RASEF: variants seen among roughly 807,000 people sequenced by gnomAD.
RASEF encodes the protein RAS and EF-hand domain containing.
RASEF carries 68 observed loss-of-function variants against 90.1 expected under a neutral mutation model. That is an observed-to-expected ratio of 0.75 (90% CI 0.62 to 0.92). The LOEUF (loss-of-function observed/expected upper bound fraction) is 0.92. RASEF is among the 40% of genes least tolerant of loss of function. The pLI is 0.00. For missense variants in RASEF, 949 were observed against 937.2 expected (o/e 1.01, Z -0.16); for synonymous variants, 331 against 345.2 (o/e 0.96, Z 0.46).
At chr9:83,001,436 G>A (rs183882438) in intron 9 of RASEF, among the ~76,000 whole-genome samples, 2 of 152,136 alleles carry the variant, frequency 1.3e-5, no homozygotes, top group East Asian at 3.9e-4. Context: ...AAACACAATC[G>A]CAAGTTGTAT....
At chr9:83,202,511 C>T in the RASEF span, among the ~76,000 whole-genome samples, 2 of 151,938 alleles carry the variant, frequency 1.3e-5, no homozygotes, top group African/African-American at 4.8e-5. Context: ...AGTCTCACTC[C>T]GTTGCCCAGG....
chr9:83,046,753 G>A (rs1587521010), intron 1 of RASEF, among the ~76,000 whole-genome samples: 2 of 152,210 alleles, frequency 1.3e-5, no homozygotes, highest in East Asian at 1.9e-4. Context: ...TGTCATCCCA[G>A]GGGATGAAAT....
At chr9:83,087,459 T>G in the RASEF span, among the ~76,000 whole-genome samples, 3 of 111,686 alleles carry the variant, frequency 2.7e-5, no homozygotes, top group Admixed American at 9.1e-5. Flanking sequence ...CCTACTGCCA[T>G]GTGAGAACAC....
the RASEF span, among the ~76,000 whole-genome samples, chr9:83,070,616 G>A: frequency 1.3e-5 from 2 of 151,930 alleles, no homozygotes; most frequent in Admixed American, 6.6e-5. Context: ...GATATTCCTG[G>A]TCCTAGGTAT....
chr9:83,013,772 A>C (rs2118518500), intron 4 of RASEF, among the ~76,000 whole-genome samples: 1 of 152,348 alleles, frequency 6.6e-6, no homozygotes, highest in African/African-American at 2.4e-5. Flanking sequence ...CCTCAGAGAA[A>C]GTTTAAGAAT....
chr9:83,100,794 C>A, the RASEF span, among the ~76,000 whole-genome samples: 3 of 152,144 alleles, frequency 2.0e-5, no homozygotes, highest in African/African-American at 7.2e-5. Context: ...AATATTATAA[C>A]AAGTGCCCTG....
At chr9:83,180,133 C>T in the RASEF span, among the ~76,000 whole-genome samples, 1 of 152,072 alleles carries the variant, frequency 6.6e-6, no homozygotes. Context: ...ATACCATATG[C>T]AGTTGTATTA....
the RASEF span, among the ~76,000 whole-genome samples, chr9:83,123,791 T>C: frequency 6.6e-6 from 1 of 152,236 alleles, no homozygotes; most frequent in Non-Finnish European, 1.5e-5. Flanking sequence ...TCCTTTTTTG[T>C]TTATTGCAGT....
intron 1 of RASEF, among the ~76,000 whole-genome samples, chr9:83,046,211 T>G (rs1829927087): frequency 6.6e-6 from 1 of 152,142 alleles, no homozygotes; most frequent in Non-Finnish European, 1.5e-5. Context: ...TAGTACCCAA[T>G]AGTTATCATT....
At chr9:83,164,876 A>G in the RASEF span, among the ~76,000 whole-genome samples, 4 of 152,044 alleles carry the variant, frequency 2.6e-5, no homozygotes, top group Admixed American at 6.6e-5. Context: ...GACAGAGTAG[A>G]TGACAGAGCA....
chr9:83,155,272 G>C, the RASEF span, among the ~76,000 whole-genome samples: 1 of 152,076 alleles, frequency 6.6e-6, no homozygotes, highest in Non-Finnish European at 1.5e-5. Flanking sequence ...CTGTGTTTGG[G>C]TGTATTAGTC....
the RASEF span, among the ~76,000 whole-genome samples, chr9:83,114,159 C>T: frequency 3.9e-5 from 6 of 152,136 alleles, no homozygotes; most frequent in South Asian, 2.1e-4. Context: ...GTGAAGATTT[C>T]GTGGACATTT....
chr9:83,176,080 T>A, the RASEF span, among the ~76,000 whole-genome samples: 12 of 152,358 alleles, frequency 7.9e-5, no homozygotes, highest in East Asian at 2.3e-3. Flanking sequence ...GCCTAGTCAT[T>A]CTACCCATTT....
chr9:82,990,650 C>A (rs866396196), intron 15 of RASEF, among the ~76,000 whole-genome samples, 183 bp from the exon 16 acceptor site: 1 of 152,094 alleles, frequency 6.6e-6, no homozygotes, highest in Non-Finnish European at 1.5e-5. Flanking sequence ...ATAGTTACTC[C>A]AGGAAAAGTT....
At chr9:83,110,828 T>C in the RASEF span, among the ~76,000 whole-genome samples, 6 of 152,226 alleles carry the variant, frequency 3.9e-5, no homozygotes, top group South Asian at 1.0e-3. Context: ...TCTGGGTTAG[T>C]TGTGTTCCAG....
chr9:83,198,387 C>T, the RASEF span, among the ~76,000 whole-genome samples: 21 of 149,184 alleles, frequency 1.4e-4, no homozygotes, highest in Middle Eastern at 3.4e-3. Flanking sequence ...TCCCCTTTAA[C>T]ATGCATAAGG....
At chr9:83,086,110 A>G in the RASEF span, among the ~76,000 whole-genome samples, 1 of 152,214 alleles carries the variant, frequency 6.6e-6, no homozygotes, top group Non-Finnish European at 1.5e-5. Context: ...TTAAGCAATC[A>G]ATTAAGAATT....
the RASEF span, among the ~76,000 whole-genome samples, chr9:83,069,208 C>T: frequency 2.6e-5 from 4 of 151,914 alleles, no homozygotes; most frequent in Admixed American, 1.3e-4. Context: ...TAAAATGCAC[C>T]AATTTTAAAG....
chr9:83,071,567 A>G, the RASEF span, among the ~76,000 whole-genome samples: 1 of 151,856 alleles, frequency 6.6e-6, no homozygotes, highest in African/African-American at 2.4e-5. Context: ...CACCACACCT[A>G]GCTAATTTTT....
Sources: allele counts gnomAD v4.1 joint callset (sites outside exome capture counted in the v4.1 genomes callset), GRCh38; gene constraint gnomAD v4.1.1; transcripts MANE v1.5; gene names NCBI Gene and HGNC (gene_info 2026-07-23, HGNC 2026-07-21).